GRIN3B: variants seen among roughly 807,000 people sequenced by gnomAD.
GRIN3B encodes glutamate receptor ionotropic, NMDA 3B.
In GRIN3B, 77 loss-of-function variants were observed where a neutral mutation model predicts 66.0. That is an observed-to-expected ratio of 1.17 (90% CI 0.97 to 1.41). The LOEUF is 1.41. GRIN3B is among the 40% of genes most tolerant of loss of function. The pLI, the probability that GRIN3B is intolerant of heterozygous loss-of-function variation, is 0.00. For missense variants in GRIN3B, 1,787 were observed against 1,564.5 expected (o/e 1.14, Z -2.40); for synonymous variants, 823 against 749.7 (o/e 1.10, Z -1.60).
chr19:1,000,609 G>A lies in GRIN3B; in HGVS notation c.172G>A (p.Ala58Thr). 9.1e-7 allele frequency: 1 copy of A among 1,096,208 alleles called. No individual in the cohort carries two copies. The highest frequency in any genetic ancestry group is 1.1e-6 in the Non-Finnish European group (1 of 904,974). 67.9% of individuals were successfully genotyped at this position (1,096,208 alleles called of 1,614,324 possible). A position where few individuals can be genotyped will look rare whatever the true frequency, so the allele number is the denominator to read the frequency against. Residue 58 changes from alanine to threonine, a missense_variant, in exon 1 of 9, where the codon GCC (alanine) becomes ACC (threonine). Ala to Thr is a moderately conservative substitution (Grantham distance 58, BLOSUM62 0). Coordinates refer to ENST00000234389, the MANE Select transcript of GRIN3B (RefSeq NM_138690.3). ...CCGCGCCCGCGCCCGCGCCGCCCTG[G>A]CCCGGGCCGCCCTGGCGCCGCGGCT... Reference protein sequence around the residue: ...LARARARAALARAALAPRLPH... With the variant: ...LARARARAALTRAALAPRLPH...
chr19:1,004,369 G>C (rs77487858), intron 2 of GRIN3B, 152 bp from the exon 3 acceptor site: 2 of 679,086 alleles, frequency 2.9e-6, no homozygotes, highest in Admixed American at 5.3e-5. Context: ...GTTAGGCTTG[G>C]GGACTAGGCT....
Position 1,009,244 on chromosome 19 carries a change from G to T in GRIN3B, c.2774G>T (p.Arg925Leu). The change falls in exon 9 of 9, where the codon CGC becomes CTC. Residue 925 changes from arginine (R) to leucine (L), a missense_variant. Coordinates refer to ENST00000234389, the MANE Select transcript of GRIN3B (RefSeq NM_138690.3). ...PTAPEGWKRA[R>L]RAVDKERRVR... ...GCTCCGGAGGGCTGGAAACGGGCGC[G>T]CCGGGCCGTGGACAAGGAGCGCCGC... 6.9e-7 allele frequency: 1 copy of T among 1,442,062 alleles called. No individual in the cohort carries two copies. Among genetic ancestry groups the T allele is most frequent in the South Asian group, 1.4e-5 (1 of 70,404 alleles). The allele number at this position is 1,442,062 out of a possible 1,614,324, so 89.3% of individuals were successfully genotyped here.
rs1244795898 is a variant in GRIN3B at position 1,008,857 on chromosome 19, A to G, written c.2632A>G (p.Lys878Glu). The G allele has an allele frequency of 6.2e-7, 1 of 1,606,562 alleles. No individual in the cohort carries two copies. The highest frequency in any genetic ancestry group is 1.1e-5 in the South Asian group (1 of 90,404). Residue 878 changes from lysine to glutamate, a missense_variant and splice_region_variant, in exon 8 of 9, where the codon AAA (lysine) becomes GAA (glutamate). Physicochemically the swap from Lys to Glu is moderately conservative, Grantham distance 56. Coordinates refer to ENST00000234389, the MANE Select transcript of GRIN3B (RefSeq NM_138690.3). ...RLQYWLHTSQKIHRALNTEPP... is the reference protein window; with the variant it reads ...RLQYWLHTSQEIHRALNTEPP... The stretch of plus-strand genomic sequence containing the variant: ...CAACCGGGTCTGTCTGGGGTCTTAG[A>G]AAATCCACCGCGCCCTCAACACGGA...
In GRIN3B at chr19:1,004,769, T is replaced by A. The variant is rs2038724415; in HGVS notation, c.1268T>A (p.Leu423Ter). The change falls in exon 3 of 9, where the codon TTG becomes TAG. Residue 423 changes from leucine (L) to a stop codon, truncating the protein, a stop_gained. Coordinates refer to ENST00000234389, the MANE Select transcript of GRIN3B (RefSeq NM_138690.3). LOFTEE classifies it high-confidence loss of function. ...CCCAAGCTGCGTGTGGTAACGCTGTTGGAACACCCATTTGTGTTTGCCCGT... is the reference window on the plus strand; with the variant it reads ...CCCAAGCTGCGTGTGGTAACGCTGTAGGAACACCCATTTGTGTTTGCCCGT... Reference protein sequence around the residue: ...VWPKLRVVTLLEHPFVFARDP... With the variant: ...VWPKLRVVTL The A allele has an allele frequency of 1.9e-6, 3 of 1,612,400 alleles. No homozygotes were observed. Among genetic ancestry groups the A allele is most frequent in the Non-Finnish European group, 2.5e-6 (3 of 1,179,354 alleles).
Position 1,005,572 on chromosome 19 carries a change from C to T in GRIN3B, c.2052+19C>T, listed in dbSNP as rs1350305966. ...CCCCAAGGTGGGCGGCCTCGGGGGG[C>T]TGCGGGTGGCCTTGGGGGGCTAGCG... On this transcript the variant is annotated intron_variant, in intron 3 of 8. Coordinates refer to ENST00000234389, the MANE Select transcript of GRIN3B (RefSeq NM_138690.3). This position sits in a 1 kb window ranked among gnomAD's most constrained non-coding sequence, Gnocchi z 5.2. The T allele has an allele frequency of 5.9e-6, 9 of 1,537,520 alleles. No homozygotes were observed. The highest frequency in any genetic ancestry group is 7.9e-6 in the Non-Finnish European group (9 of 1,139,188).
rs1202225283 is a variant in GRIN3B, at chr19:1,007,609, G to A, written c.2053-19G>A. 5 of 1,479,708 alleles carry A rather than the reference G, an allele frequency of 3.4e-6. No individual in the cohort carries two copies. The East Asian group carries it at 8.2e-5, about 24-fold the overall frequency. 91.7% of individuals were successfully genotyped at this position (1,479,708 alleles called of 1,614,324 possible). ...GTCCTGAGGGGCAGGCAGAGGCGCT[G>A]ACGGGGTCCCCCGCGCAGCTGCACC... On this transcript the variant is annotated intron_variant, in intron 3 of 8. Coordinates refer to ENST00000234389, the MANE Select transcript of GRIN3B (RefSeq NM_138690.3). The surrounding 1 kb of genome is among the most constrained non-coding windows in gnomAD (Gnocchi z 4.4).
At position 1,000,421 on chromosome 19, in the gene GRIN3B, A is replaced by G. The variant is rs112743753; in HGVS notation, c.-17A>G. 550,630 of 1,209,810 alleles carry G rather than the reference A, an allele frequency of 0.46. 128,166 individuals carry two copies. The highest frequency in any genetic ancestry group is 0.48 in the Non-Finnish European group (467,556 of 972,080). The allele number at this position is 1,209,810 out of a possible 1,614,324, so 74.9% of individuals were successfully genotyped here. A position where few individuals can be genotyped will look rare whatever the true frequency, so the allele number is the denominator to read the frequency against. On this transcript the variant is annotated 5_prime_UTR_variant, in exon 1 of 9. Transcript: ENST00000234389. Reference sequence around the variant, plus strand: ...CGGTGGTTGCGCCCCGTGGCGAGCGACGCCGACAACTTTGCGATGGAGTTT... The same window carrying G: ...CGGTGGTTGCGCCCCGTGGCGAGCGGCGCCGACAACTTTGCGATGGAGTTT...
In GRIN3B at chr19:1,007,869, A is replaced by G; in HGVS notation, c.2212A>G (p.Lys738Glu). Reference protein sequence around the residue: ...GVAMLTSDPPKLNAFIMDKSL... With the variant: ...GVAMLTSDPPELNAFIMDKSL... ...CGGCCCCAGCAGGAGCGACCCCCCCAAGCTCAACGCCTTCATCATGGACAA... is the reference window on the plus strand; with the variant it reads ...CGGCCCCAGCAGGAGCGACCCCCCCGAGCTCAACGCCTTCATCATGGACAA... The change falls in exon 5 of 9, where the codon AAG (lysine) becomes GAG (glutamate). Residue 738 changes from lysine to glutamate, a missense_variant. Lys to Glu is a moderately conservative substitution (Grantham distance 56). Coordinates refer to ENST00000234389, the MANE Select transcript of GRIN3B (RefSeq NM_138690.3). The surrounding 1 kb of genome is among the most constrained non-coding windows in gnomAD (Gnocchi z 4.4). 1 of 1,595,920 alleles carries G rather than the reference A, an allele frequency of 6.3e-7. No individual in the cohort carries two copies. Among genetic ancestry groups the G allele is most frequent in the South Asian group, 1.1e-5 (1 of 90,676 alleles).
At chr19:1,001,459 C>T (rs2038683733) in intron 1 of GRIN3B, among the ~76,000 whole-genome samples, 1 of 151,072 alleles carries the variant, frequency 6.6e-6, no homozygotes, top group Admixed American at 6.6e-5. Flanking sequence ...CCTTCAAGTT[C>T]CTCTCTTCTA....
Position 1,004,897 on chromosome 19 carries a change from G to GTGTT in GRIN3B, c.1396_1397insTGTT (p.Gly466ValfsTer18). ...CGCACTGTTCGCCGCGCTGGCCAAC[G>GTGTT]GCTCAGCGCCCCGTGCCCTGCGCAA... On this transcript the variant is annotated frameshift_variant, in exon 3 of 9. Transcript: ENST00000234389. LOFTEE classifies it high-confidence loss of function. 2 of 1,610,630 alleles carry GTGTT rather than the reference G, an allele frequency of 1.2e-6. No homozygotes were observed. The highest frequency in any genetic ancestry group is 1.7e-6 in the Non-Finnish European group (2 of 1,178,502).
Position 1,007,704 on chromosome 19 carries a change from T to C in GRIN3B, c.2129T>C (p.Phe710Ser). 1 of 1,536,968 alleles carries C rather than the reference T, an allele frequency of 6.5e-7. No individual in the cohort carries two copies. The highest frequency in any genetic ancestry group is 8.8e-7 in the Non-Finnish European group (1 of 1,142,730). Residue 710 changes from phenylalanine (F) to serine (S), a missense_variant, in exon 4 of 9, where the codon TTC (phenylalanine) becomes TCC (serine). Coordinates refer to ENST00000234389, the MANE Select transcript of GRIN3B (RefSeq NM_138690.3). The surrounding 1 kb of genome is among the most constrained non-coding windows in gnomAD (Gnocchi z 4.4). ...SSAEAYIKKS[F>S]PDMHAHMRRH... The stretch of plus-strand genomic sequence containing the variant: ...GCCGAGGCGTACATCAAGAAGAGCT[T>C]CCCCGACATGCACGCACACATGCGG...
Position 1,005,066 on chromosome 19 carries a change from C to A in GRIN3B, c.1565C>A (p.Ala522Asp). 1 of 1,611,246 alleles carries A rather than the reference C, an allele frequency of 6.2e-7. No homozygotes were observed. Among genetic ancestry groups the A allele is most frequent in the Non-Finnish European group, 8.5e-7 (1 of 1,178,914 alleles). ...ACCGGCCTGGTCGGGGACCTGCTGG[C>A]CGGCCGGGCCCACATGGCGGTCACC... is the stretch of plus-strand genomic sequence containing the variant. ...RWTGLVGDLL[A>D]GRAHMAVTSF... is the part of the protein sequence containing the mutation. The change falls in exon 3 of 9, where the codon GCC becomes GAC. Residue 522 changes from alanine to aspartate, a missense_variant. By Grantham distance (126) the Ala-to-Asp change is moderately radical (BLOSUM62 -2). Transcript: ENST00000234389. This position sits in a 1 kb window ranked among gnomAD's most constrained non-coding sequence, Gnocchi z 5.2.
Position 1,008,713 on chromosome 19 carries a change from C to T in GRIN3B, c.2562C>T (p.Ala854=). ...SALLSSLGEH[A]FFRLALPRIR... is the part of the protein sequence containing the mutation. Reference sequence around the variant, plus strand: ...TGCTCAGCTCGCTGGGCGAGCACGCCTTCTTCCGCCTGGCGCTGCCGCGCA... The same window carrying T: ...TGCTCAGCTCGCTGGGCGAGCACGCTTTCTTCCGCCTGGCGCTGCCGCGCA... The change falls in exon 7 of 9, where the codon GCC becomes GCT. Residue 854 remains alanine, a synonymous_variant. Transcript: ENST00000234389. The T allele has an allele frequency of 2.5e-6, 4 of 1,608,768 alleles. No individual in the cohort carries two copies. In the East Asian group the frequency reaches 8.9e-5, roughly 36 times the overall value.
intron 2 of GRIN3B, 74 bp from the exon 3 acceptor site, chr19:1,004,447 A>G: frequency 7.6e-7 from 1 of 1,315,210 alleles, no homozygotes; most frequent in Non-Finnish European, 1.1e-6. Context: ...GGAATCGGGC[A>G]CGTGCTGGGC....
intron 1 of GRIN3B, 107 bp downstream of exon 1, chr19:1,000,970 G>C: frequency 8.5e-7 from 1 of 1,182,698 alleles, no homozygotes; most frequent in Non-Finnish European, 1.1e-6. Flanking sequence ...ACTACGCAGG[G>C]AAGGGGGATC....
rs58448123 is a variant in GRIN3B, at chr19:1,009,551, GGCCCCCGCGGAGGCCCCACCACACTCT to G, written c.3083_3109del (p.Ala1028_Ser1036del). On this transcript the variant is annotated inframe_deletion, in exon 9 of 9. Coordinates refer to ENST00000234389, the MANE Select transcript of GRIN3B (RefSeq NM_138690.3). Reference sequence around the variant, plus strand: ...CTCGGCGCTTGCTTCAGGCCAGAGCGGCCCCCGCGGAGGCCCCACCACACTCTGGCCGACCGGGGAGCCAGGAATGAG... The same window carrying G: ...CTCGGCGCTTGCTTCAGGCCAGAGCGGGCCGACCGGGGAGCCAGGAATGAG... 316,383 of 1,461,442 alleles carry G rather than the reference GGCCCCCGCGGAGGCCCCACCACACTCT, an allele frequency of 0.22. 35,943 individuals carry two copies. The highest frequency in any genetic ancestry group is 0.23 in the Non-Finnish European group (252,399 of 1,109,684). The allele number at this position is 1,461,442 out of a possible 1,614,324, so 90.5% of individuals were successfully genotyped here. A position where few individuals can be genotyped will look rare whatever the true frequency, so the allele number is the denominator to read the frequency against.
intron 3 of GRIN3B, among the ~76,000 whole-genome samples, chr19:1,006,584 C>G (rs1264535367): frequency 6.6e-6 from 1 of 152,146 alleles, no homozygotes; most frequent in Admixed American, 6.6e-5. Context: ...TGGGATTAGA[C>G]GTGAGCCATC....
rs749656837 is a variant in GRIN3B at position 1,008,652 on chromosome 19, T to C, written c.2501T>C (p.Leu834Pro). 4.4e-6 allele frequency: 7 copies of C among 1,603,080 alleles called. No individual in the cohort carries two copies. Among genetic ancestry groups the C allele is most frequent in the Non-Finnish European group, 5.9e-6 (7 of 1,179,630 alleles). The change falls in exon 7 of 9, where the codon CTC (leucine) becomes CCC (proline). Residue 834 changes from leucine to proline, a missense_variant. Coordinates refer to ENST00000234389, the MANE Select transcript of GRIN3B (RefSeq NM_138690.3). ...ATGAGCATCTACCACTTCGCGGGCC[T>C]CTTCGTGTTGCTGTGCCTGGGCCTG... The part of the protein sequence containing the change: ...LQMSIYHFAG[L>P]FVLLCLGLGS...
intron 1 of GRIN3B, among the ~76,000 whole-genome samples, chr19:1,001,274 G>A (rs2038681978): frequency 6.6e-6 from 1 of 151,928 alleles, no homozygotes; most frequent in South Asian, 2.1e-4. Context: ...TGGGTGGCTG[G>A]GCTGGAGGAC....
Sources: gnomAD v4.1 joint callset for allele counts (sites outside exome capture counted in the v4.1 genomes callset) on GRCh38, gnomAD v4.1.1 for gene constraint, Gnocchi (gnomAD v3.1) non-coding constraint, MANE v1.5 for transcripts, NCBI Gene and HGNC (gene_info 2026-07-23, HGNC 2026-07-21) for gene names.